Variants in RGS6 observed in about 807,000 individuals in gnomAD.
RGS6 encodes regulator of G protein signaling 6.
In RGS6, 30 loss-of-function variants were observed where a neutral mutation model predicts 78.5. The ratio of observed to expected loss-of-function variants is 0.38; its 90% CI spans 0.29 to 0.52. The LOEUF (loss-of-function observed/expected upper bound fraction) is 0.52. Ranked by LOEUF, RGS6 falls within the 20% of genes least tolerant of loss-of-function variation. The pLI is 0.85. For missense variants in RGS6, 495 were observed against 609.7 expected, an observed-to-expected ratio of 0.81 and a Z score of 1.98; for synonymous variants, 206 against 206.0, an observed-to-expected ratio of 1.00 and a Z score of 0.00.
intron 2 of RGS6, among the ~76,000 whole-genome samples, chr14:72,069,257 G>A (rs966670452): frequency 6.6e-6 from 1 of 152,144 alleles, no homozygotes; most frequent in African/African-American, 2.4e-5. Context: ...ACAGGCGTGA[G>A]CCACTGCACC....
intron 2 of RGS6, among the ~76,000 whole-genome samples, chr14:72,294,754 T>G (rs1369265043): frequency 6.6e-6 from 1 of 151,886 alleles, no homozygotes; most frequent in Non-Finnish European, 1.5e-5. Flanking sequence ...CCAGATCTCG[T>G]GAGAACTCTA....
intron 2 of RGS6, among the ~76,000 whole-genome samples, chr14:72,169,663 A>T (rs1436520561): frequency 6.6e-6 from 1 of 152,176 alleles, no homozygotes; most frequent in Non-Finnish European, 1.5e-5. Flanking sequence ...CCTCCTGGGC[A>T]CGTAGCTGGC....
At chr14:72,425,765 G>T (rs1472496373) in intron 3 of RGS6, among the ~76,000 whole-genome samples, 3 of 152,132 alleles carry the variant, frequency 2.0e-5, no homozygotes, top group African/African-American at 7.2e-5. Context: ...CCTTGAAAAT[G>T]ACCCAGAAAT....
chr14:72,025,052 G>A (rs1346970752), intron 2 of RGS6, among the ~76,000 whole-genome samples: 3 of 152,192 alleles, frequency 2.0e-5, no homozygotes, highest in South Asian at 4.1e-4. Flanking sequence ...GAGAGGCTGA[G>A]TGAGACTATA....
chr14:72,606,041 C>A, the RGS6 span, among the ~76,000 whole-genome samples: 1 of 152,126 alleles, frequency 6.6e-6, no homozygotes, highest in African/African-American at 2.4e-5. Context: ...CCCCCGAGAC[C>A]TCTGGGCATC....
Position 72,050,514 on chromosome 14 carries a change from G to C in RGS6, c.84+85639G>C, listed in dbSNP as rs1019597658. ...ATATGTTTTCTTCTGTTTCATAGTGGATGGTTGAAATGGTACTCTTTAGTC... is the reference window on the plus strand; with the variant it reads ...ATATGTTTTCTTCTGTTTCATAGTGCATGGTTGAAATGGTACTCTTTAGTC... On this transcript the variant is annotated intron_variant, in intron 2 of 17. Coordinates refer to ENST00000553525, the MANE Select transcript of RGS6 (RefSeq NM_001204424.2). Among the ~76,000 whole-genome samples the C allele has an allele frequency of 9.2e-5, 14 of 152,302 alleles. 1 individual carries two copies. The highest frequency in any genetic ancestry group is 9.2e-4 in the Admixed American group (14 of 15,298).
intron 2 of RGS6, among the ~76,000 whole-genome samples, chr14:72,224,422 AAAG>A (rs771272062): frequency 1.1e-4 from 16 of 147,992 alleles, no homozygotes; most frequent in Admixed American, 3.4e-4. Context: ...ATCTCAAAAA[AAAG>A]AAGAAGAAGA....
At chr14:72,360,219 C>T (rs991136665) in intron 3 of RGS6, among the ~76,000 whole-genome samples, 3 of 151,950 alleles carry the variant, frequency 2.0e-5, no homozygotes, top group Non-Finnish European at 2.9e-5. Flanking sequence ...ACAATTTATT[C>T]ATAGAAAGAA....
chr14:71,906,005 T>A, the RGS6 span, among the ~76,000 whole-genome samples: 5 of 152,178 alleles, frequency 3.3e-5, no homozygotes, highest in Non-Finnish European at 7.3e-5. Context: ...CTTTGAGCTA[T>A]AAGACTTTCC....
the RGS6 span, among the ~76,000 whole-genome samples, chr14:72,591,422 T>C: frequency 6.6e-6 from 1 of 152,236 alleles, no homozygotes; most frequent in Non-Finnish European, 1.5e-5. Flanking sequence ...TAATTTTTTT[T>C]CCATAATAAC....
chr14:72,120,463 G>A (rs927556846), intron 2 of RGS6, among the ~76,000 whole-genome samples: 19 of 152,256 alleles, frequency 1.2e-4, no homozygotes, highest in Admixed American at 4.6e-4. Context: ...ACAACCTGCC[G>A]TTTTAAAGAT....
At chr14:71,874,420 C>T in the RGS6 span, among the ~76,000 whole-genome samples, 1 of 152,084 alleles carries the variant, frequency 6.6e-6, no homozygotes, top group Non-Finnish European at 1.5e-5. Context: ...AATGGGAGTT[C>T]ACTCATGATT....
At chr14:72,538,118 T>G (rs995308697) in intron 16 of RGS6, among the ~76,000 whole-genome samples, 2 of 152,244 alleles carry the variant, frequency 1.3e-5, no homozygotes, top group African/African-American at 4.8e-5. Flanking sequence ...TGACAAAACC[T>G]GCTTTCTCCT....
At chr14:72,522,546 T>A (rs527284203) in intron 15 of RGS6, among the ~76,000 whole-genome samples, 3 of 152,232 alleles carry the variant, frequency 2.0e-5, no homozygotes, top group African/African-American at 7.2e-5. Context: ...GTCACAACTA[T>A]TCGATTCTGC....
At chr14:72,225,572 G>C (rs2047931519) in intron 2 of RGS6, among the ~76,000 whole-genome samples, 1 of 152,092 alleles carries the variant, frequency 6.6e-6, no homozygotes, top group African/African-American at 2.4e-5. Context: ...CAAGTGATCT[G>C]CCTGCCTCAG....
intron 3 of RGS6, among the ~76,000 whole-genome samples, chr14:72,367,257 A>T (rs1258512924): frequency 6.6e-6 from 1 of 152,216 alleles, no homozygotes; most frequent in Admixed American, 6.5e-5. Flanking sequence ...ATAGATTTCC[A>T]GGACATCCCC....
At chr14:72,005,717 T>A (rs919879917) in intron 2 of RGS6, among the ~76,000 whole-genome samples, 4 of 152,176 alleles carry the variant, frequency 2.6e-5, no homozygotes, top group African/African-American at 9.6e-5. Flanking sequence ...AAGGGTCCTT[T>A]GGATAGCATT....
intron 2 of RGS6, among the ~76,000 whole-genome samples, chr14:72,045,149 A>G (rs1596530862): frequency 2.0e-5 from 3 of 152,220 alleles, no homozygotes; most frequent in South Asian, 2.1e-4. Context: ...CCTCTTGTCT[A>G]TCTATTTATC....
chr14:72,466,237 GT>G (rs1659286493), intron 7 of RGS6, among the ~76,000 whole-genome samples: 1 of 152,322 alleles, frequency 6.6e-6, no homozygotes, highest in South Asian at 2.1e-4. Context: ...ATGATACCAA[GT>G]GATGGTGAGG....
Sources: gnomAD v4.1 joint callset for allele counts (sites outside exome capture counted in the v4.1 genomes callset) on GRCh38, gnomAD v4.1.1 for gene constraint, MANE v1.5 for transcripts, NCBI Gene and HGNC (gene_info 2026-07-23, HGNC 2026-07-21) for gene names.